Variants in EIF4G3 observed in about 807,000 individuals in gnomAD.
EIF4G3 encodes eIF-4-gamma 3.
Under a neutral mutation model 186.4 loss-of-function variants are expected in EIF4G3, and 34 were observed. The observed-to-expected ratio is 0.18, with a 90% CI of 0.14 to 0.24. The LOEUF (loss-of-function observed/expected upper bound fraction) is 0.24. EIF4G3 is among the 10% of genes least tolerant of loss of function. The probability of loss-of-function intolerance (pLI) is 1.00; values close to 1 mark genes in which losing one functional copy is unlikely to be tolerated. For synonymous variants in EIF4G3, 673 were observed against 679.5 expected (o/e 0.99, Z 0.15); for missense variants, 1,536 against 1,948.5 (o/e 0.79, Z 3.99).
chr1:20,912,769 C>A (rs1217016385), intron 14 of EIF4G3, among the ~76,000 whole-genome samples: 2 of 152,190 alleles, frequency 1.3e-5, no homozygotes, highest in Non-Finnish European at 2.9e-5. Context: ...CAAGTTGGCA[C>A]TAAATCATTC....
Position 20,904,870 on chromosome 1 carries a change from G to T in EIF4G3, c.1752+13C>A. On this transcript the variant is annotated intron_variant, in intron 15 of 36. Transcript: ENST00000602326. ...ACCACTGCTCTGAATATGAACTTAA[G>T]AGATTTGCTTACCTCCAATTCTGCC... is the stretch of plus-strand genomic sequence containing the variant. The T allele has an allele frequency of 6.2e-7, 1 of 1,607,272 alleles. No individual in the cohort carries two copies. Among genetic ancestry groups the T allele is most frequent in the East Asian group, 2.2e-5 (1 of 44,828 alleles).
chr1:20,896,447 AAAAAAG>A (rs996685060), intron 16 of EIF4G3, among the ~76,000 whole-genome samples: 44 of 151,028 alleles, frequency 2.9e-4, no homozygotes, highest in African/African-American at 5.8e-4. Context: ...AAAAAAAAAA[AAAAAAG>A]AAAAAGAAAA....
At chr1:21,107,745 C>A (rs1480230106) in intron 2 of EIF4G3, among the ~76,000 whole-genome samples, 1 of 152,204 alleles carries the variant, frequency 6.6e-6, no homozygotes, top group African/African-American at 2.4e-5. Context: ...GTGGTACAAT[C>A]ATGGCTCACT....
chr1:21,027,613 C>A (rs2092306496), intron 4 of EIF4G3, among the ~76,000 whole-genome samples: 1 of 151,744 alleles, frequency 6.6e-6, no homozygotes, highest in Non-Finnish European at 1.5e-5. Context: ...TTGGGCAACA[C>A]AGCAAGACTC....
At chr1:20,986,881 AT>A (rs1365219116) in intron 7 of EIF4G3, among the ~76,000 whole-genome samples, 4 of 151,966 alleles carry the variant, frequency 2.6e-5, no homozygotes, top group Admixed American at 2.6e-4. Context: ...CCTAAACTTC[AT>A]TTCAATCTGT....
At chr1:20,901,103 C>T (rs1284503407) in intron 15 of EIF4G3, among the ~76,000 whole-genome samples, 2 of 152,060 alleles carry the variant, frequency 1.3e-5, no homozygotes, top group Non-Finnish European at 1.5e-5. Flanking sequence ...ACAAACACCA[C>T]CCCACACCTA....
chr1:20,905,152 T>C (rs548939574), intron 14 of EIF4G3, among the ~76,000 whole-genome samples, 181 bp from the exon 15 acceptor site: 1 of 152,224 alleles, frequency 6.6e-6, no homozygotes, highest in African/African-American at 2.4e-5. Context: ...ACATCAAGTG[T>C]TGTGGGTACA....
At chr1:21,031,798 T>C (rs1019872598) in intron 4 of EIF4G3, among the ~76,000 whole-genome samples, 7 of 152,218 alleles carry the variant, frequency 4.6e-5, no homozygotes, top group African/African-American at 1.4e-4. Context: ...TCTTCTGAAA[T>C]TTAGAATACA....
At chr1:20,817,337 TC>T in intron 34 of EIF4G3, 54 bp downstream of exon 34, 1 of 1,248,326 alleles carries the variant, frequency 8.0e-7, no homozygotes, top group Non-Finnish European at 1.1e-6. Context: ...ATTAAGGGGA[TC>T]CCACAAGAAT....
intron 10 of EIF4G3, among the ~76,000 whole-genome samples, chr1:20,980,028 G>A (rs566112899): frequency 4.8e-4 from 73 of 152,144 alleles, no homozygotes; most frequent in African/African-American, 1.0e-3. Flanking sequence ...GTGAGCCACC[G>A]CGCCCAGCCA....
At chr1:21,141,605 T>C (rs183920358) in intron 2 of EIF4G3, among the ~76,000 whole-genome samples, 3 of 151,612 alleles carry the variant, frequency 2.0e-5, no homozygotes, top group Non-Finnish European at 2.9e-5. Flanking sequence ...AGGAGAGAAA[T>C]GGTGCAGGGA....
At chr1:21,126,423 G>C (rs2097046534) in intron 2 of EIF4G3, among the ~76,000 whole-genome samples, 1 of 151,954 alleles carries the variant, frequency 6.6e-6, no homozygotes, top group Admixed American at 6.6e-5. Flanking sequence ...CCATTACTTT[G>C]GGAGGCCGAG....
At chr1:21,151,548 T>C (rs1190312653) in intron 2 of EIF4G3, among the ~76,000 whole-genome samples, 1 of 152,106 alleles carries the variant, frequency 6.6e-6, no homozygotes, top group Non-Finnish European at 1.5e-5. Flanking sequence ...TTAATGGTTA[T>C]ATAGTATTTC....
rs145742300 is a variant in EIF4G3 at position 20,942,035 on chromosome 1, T to C, written c.1119A>G (p.Thr373=). The C allele has an allele frequency of 4.5e-4, 734 of 1,614,044 alleles. No individual in the cohort carries two copies. Among genetic ancestry groups the C allele is most frequent in the Non-Finnish European group, 5.7e-4 (678 of 1,180,020 alleles). Residue 373 remains threonine, a synonymous_variant, in exon 14 of 37, where the codon ACA becomes ACG. Coordinates refer to ENST00000602326, the MANE Select transcript of EIF4G3 (RefSeq NM_001391906.1). ...AAGGGTCTGATGTTTCTGTGCAAGA[T>C]GTGAGGCTGGGTATAGGAATTGTGT... is the stretch of plus-strand genomic sequence containing the variant. ...REDTIPIPSL[T]SCTETSDPLP... is the part of the protein sequence containing the mutation.
chr1:20,902,435 GAAAC>G (rs1385783802), intron 15 of EIF4G3, among the ~76,000 whole-genome samples: 2 of 152,024 alleles, frequency 1.3e-5, no homozygotes, highest in Non-Finnish European at 2.9e-5. Flanking sequence ...GCTGATACCA[GAAAC>G]AAATTATTTT....
Position 21,117,063 on chromosome 1 carries a change from A to G in EIF4G3, c.-271-27850T>C, listed in dbSNP as rs577892260. On this transcript the variant is annotated intron_variant, in intron 2 of 36. Transcript: ENST00000602326. ...GACTACATATCCAAATGTAATATCTATTAAATAATAACTTTTTTATTTCAC... is the reference window on the plus strand; with the variant it reads ...GACTACATATCCAAATGTAATATCTGTTAAATAATAACTTTTTTATTTCAC... Among the ~76,000 whole-genome samples the G allele has an allele frequency of 5.9e-5, 9 of 152,290 alleles. No homozygotes were observed. In the South Asian group the frequency reaches 1.9e-3, roughly 32 times the overall value.
intron 34 of EIF4G3, 128 bp downstream of exon 34, chr1:20,817,264 A>T (rs2061279422): frequency 3.3e-6 from 1 of 304,540 alleles, no homozygotes; most frequent in Non-Finnish European, 4.5e-6. Context: ...AAATAAATAA[A>T]AAAATAAATA....
At chr1:20,882,174 A>G (rs1457703580) in intron 19 of EIF4G3, among the ~76,000 whole-genome samples, 1 of 89,408 alleles carries the variant, frequency 1.1e-5, no homozygotes, top group African/African-American at 4.1e-5. Flanking sequence ...AAAAAGAAAA[A>G]TTACACACAC....
intron 2 of EIF4G3, among the ~76,000 whole-genome samples, chr1:21,153,754 T>C (rs1040320790): frequency 6.6e-6 from 1 of 152,034 alleles, no homozygotes; most frequent in Non-Finnish European, 1.5e-5. Flanking sequence ...TAGTAGAGAC[T>C]GGATTTCACC....
Sources: gnomAD v4.1 joint callset for allele counts (sites outside exome capture counted in the v4.1 genomes callset) on GRCh38, gnomAD v4.1.1 for gene constraint, MANE v1.5 for transcripts, NCBI Gene and HGNC (gene_info 2026-07-23, HGNC 2026-07-21) for gene names.